The following PTPRD variants were observed in gnomAD, a reference collection of about 807,000 sequenced individuals.
PTPRD encodes the protein protein tyrosine phosphatase receptor type D, also known as receptor-type tyrosine-protein phosphatase delta.
Under a neutral mutation model 214.5 loss-of-function variants are expected in PTPRD, and 34 were observed. The ratio of observed to expected loss-of-function variants is 0.16; its 90% CI spans 0.12 to 0.21. The LOEUF is 0.21. Among genes scored for constraint, PTPRD ranks in the 10% least tolerant of loss-of-function variants. The pLI is 1.00. For synonymous variants in PTPRD, 1,128 were observed against 845.7 expected (o/e 1.33, Z -5.79); for missense variants, 2,545 against 2,398.7 (o/e 1.06, Z -1.27).
chr9:9,048,415 C>A (rs1457268782), intron 10 of PTPRD, among the ~76,000 whole-genome samples: 4 of 152,052 alleles, frequency 2.6e-5, no homozygotes, highest in African/African-American at 9.7e-5. Flanking sequence ...GTGTCCATCA[C>A]CAGATGGATG....
chr9:10,099,592 G>T (rs1333332102), intron 3 of PTPRD, among the ~76,000 whole-genome samples: 1 of 151,658 alleles, frequency 6.6e-6, no homozygotes, highest in Non-Finnish European at 1.5e-5. Flanking sequence ...ATAAAACTTT[G>T]ATGTATTTCA....
At chr9:8,443,532 C>T (rs1414850394) in intron 34 of PTPRD, among the ~76,000 whole-genome samples, 1 of 152,162 alleles carries the variant, frequency 6.6e-6, no homozygotes, top group Non-Finnish European at 1.5e-5. Context: ...ACCTACCATC[C>T]ATGTATGCTT....
At chr9:9,636,423 C>G (rs538237144) in intron 7 of PTPRD, among the ~76,000 whole-genome samples, 39 of 152,268 alleles carry the variant, frequency 2.6e-4, no homozygotes, top group African/African-American at 9.4e-4. Flanking sequence ...AATTCCTTCA[C>G]CTTTCTCCAA....
intron 3 of PTPRD, among the ~76,000 whole-genome samples, chr9:10,153,690 C>T (rs1304164708): frequency 6.6e-6 from 1 of 151,992 alleles, no homozygotes; most frequent in East Asian, 1.9e-4. Flanking sequence ...CTTTCTCTCC[C>T]ACCCTTCACC....
intron 9 of PTPRD, among the ~76,000 whole-genome samples, chr9:9,292,438 C>T (rs934410741): frequency 2.0e-5 from 3 of 149,394 alleles, no homozygotes; most frequent in African/African-American, 7.3e-5. Context: ...GTTAGTTTAC[C>T]AAGAGAGTAT....
intron 19 of PTPRD, 64 bp from the exon 20 acceptor site, chr9:8,521,610 C>A (rs2138931796): frequency 6.5e-7 from 1 of 1,540,512 alleles, no homozygotes; most frequent in Non-Finnish European, 8.8e-7. Context: ...TTATTAAACA[C>A]ATGACATGCA....
At chr9:10,241,017 G>GA (rs71321234) in intron 3 of PTPRD, among the ~76,000 whole-genome samples, 61,485 of 144,780 alleles carry the variant, frequency 0.42, 14,099 homozygotes, top group East Asian at 0.65. Flanking sequence ...TACCAGAGTA[G>GA]AAAAAAAAAA....
chr9:8,919,261 T>C (rs1057320526), intron 11 of PTPRD, among the ~76,000 whole-genome samples: 2 of 151,862 alleles, frequency 1.3e-5, no homozygotes, highest in Non-Finnish European at 2.9e-5. Context: ...GGCGTGGTGG[T>C]GCACACCTGT....
chr9:9,822,075 G>A (rs2050951247), intron 5 of PTPRD, among the ~76,000 whole-genome samples: 1 of 151,660 alleles, frequency 6.6e-6, no homozygotes, highest in African/African-American at 2.4e-5. Flanking sequence ...CATTATAACT[G>A]TAAATTTATC....
intron 7 of PTPRD, among the ~76,000 whole-genome samples, chr9:9,722,404 T>C (rs1345207557): frequency 6.6e-6 from 1 of 152,120 alleles, no homozygotes; most frequent in African/African-American, 2.4e-5. Flanking sequence ...CAGTACTTCA[T>C]TTCTTTTACT....
intron 14 of PTPRD, among the ~76,000 whole-genome samples, chr9:8,586,106 C>A (rs12683820): frequency 0.17 from 26,361 of 151,070 alleles, 2,464 homozygotes; most frequent in South Asian, 0.27. Context: ...TAGAGACCAG[C>A]CTGGCCAACA....
chr9:8,843,085 C>A (rs1413379999), intron 11 of PTPRD, among the ~76,000 whole-genome samples: 1 of 152,294 alleles, frequency 6.6e-6, no homozygotes, highest in East Asian at 1.9e-4. Flanking sequence ...CTCCTTAATT[C>A]CTCCCATACA....
intron 8 of PTPRD, among the ~76,000 whole-genome samples, chr9:9,487,051 C>A (rs998011064): frequency 7.9e-5 from 12 of 151,968 alleles, no homozygotes; most frequent in Non-Finnish European, 1.5e-4. Context: ...AGTCATTACT[C>A]ATTTTCTTTT....
intron 2 of PTPRD, among the ~76,000 whole-genome samples, chr9:10,466,064 G>A (rs1012321225): frequency 6.6e-6 from 1 of 152,154 alleles, no homozygotes; most frequent in African/African-American, 2.4e-5. Context: ...ATTTGCAGTA[G>A]CTGGGGATAC....
chr9:9,562,053 C>A (rs2083104921), intron 8 of PTPRD, among the ~76,000 whole-genome samples: 1 of 152,184 alleles, frequency 6.6e-6, no homozygotes, highest in Non-Finnish European at 1.5e-5. Context: ...ACTTCGGAGT[C>A]TAAAAGACAT....
intron 9 of PTPRD, among the ~76,000 whole-genome samples, chr9:9,321,595 A>G (rs1389809343): frequency 6.6e-6 from 1 of 151,372 alleles, no homozygotes; most frequent in Non-Finnish European, 1.5e-5. Flanking sequence ...AATGCCATGT[A>G]TGCATATCTG....
At chr9:10,523,654 G>C (rs1339243851) in intron 2 of PTPRD, among the ~76,000 whole-genome samples, 4 of 116,814 alleles carry the variant, frequency 3.4e-5, no homozygotes, top group African/African-American at 6.0e-5. Flanking sequence ...GAGAGAGAGA[G>C]AGAAATAAAG....
At chr9:9,853,766 C>G (rs1438665353) in intron 5 of PTPRD, among the ~76,000 whole-genome samples, 1 of 152,058 alleles carries the variant, frequency 6.6e-6, no homozygotes, top group Non-Finnish European at 1.5e-5. Context: ...CCAGGATGGT[C>G]TCAATGGTCT....
intron 2 of PTPRD, among the ~76,000 whole-genome samples, chr9:10,533,043 G>A (rs563146262): frequency 2.6e-5 from 4 of 152,062 alleles, no homozygotes; most frequent in African/African-American, 7.2e-5. Context: ...CTCCAGATAG[G>A]GTGAGTTCTC....
Sources: gnomAD v4.1 joint callset for allele counts (sites outside exome capture counted in the v4.1 genomes callset) on GRCh38, gnomAD v4.1.1 for gene constraint, MANE v1.5 for transcripts, NCBI Gene and HGNC (gene_info 2026-07-23, HGNC 2026-07-21) for gene names.